The following FARP1 variants were observed in gnomAD, a reference collection of about 807,000 sequenced individuals.
The protein encoded by FARP1 is FERM, ARHGEF and pleckstrin domain-containing protein 1.
A neutral mutation model predicts 128.8 loss-of-function variants in FARP1; 52 were observed. That is an observed-to-expected ratio of 0.40 (90% confidence interval 0.32 to 0.51). FARP1 has a LOEUF of 0.51. Ranked by LOEUF, FARP1 falls within the 20% of genes least tolerant of loss-of-function variation. The pLI, the probability that FARP1 is intolerant of heterozygous loss-of-function variation, is 0.45. For missense variants in FARP1, 1,333 were observed against 1,367.9 expected (o/e 0.97, Z 0.40); for synonymous variants, 580 against 551.8 (o/e 1.05, Z -0.72).
chr13:98,305,467 G>A (rs1261483029), intron 2 of FARP1, among the ~76,000 whole-genome samples: 2 of 152,024 alleles, frequency 1.3e-5, no homozygotes, highest in Non-Finnish European at 2.9e-5. Context: ...CCGAATAGCT[G>A]GGATTACAGG....
chr13:98,260,081 G>A (rs1861193986), intron 2 of FARP1, among the ~76,000 whole-genome samples: 1 of 152,060 alleles, frequency 6.6e-6, no homozygotes, highest in South Asian at 2.1e-4. Flanking sequence ...TAGGTGGGCG[G>A]CCCATTTCAA....
chr13:98,445,848 G>A lies in FARP1; in HGVS notation c.2797-250G>A. On this transcript the variant is annotated intron_variant, in intron 24 of 26. Transcript: ENST00000319562. ...TGTGTTCTAAGGTACTGGTAGTCAG[G>A]ACCTCAACGTGTCTTTTGGGGGGAC... 5.2e-6 allele frequency: 2 copies of A among 386,760 alleles called. 1 individual carries two copies. The highest frequency in any genetic ancestry group is 5.4e-5 in the South Asian group (2 of 37,098). 24.0% of individuals were successfully genotyped at this position (386,760 alleles called of 1,614,324 possible).
chr13:98,206,723 CT>C (rs2139293776), intron 1 of FARP1, among the ~76,000 whole-genome samples: 2 of 152,284 alleles, frequency 1.3e-5, no homozygotes, highest in East Asian at 3.9e-4. Flanking sequence ...TACCTTTTCT[CT>C]GGCGGTTAAA....
chr13:98,414,640 G>A (rs925544031), intron 16 of FARP1, among the ~76,000 whole-genome samples: 2 of 152,162 alleles, frequency 1.3e-5, no homozygotes, highest in African/African-American at 2.4e-5. Context: ...CAATGCATTC[G>A]TAGGTTCTAA....
intron 2 of FARP1, among the ~76,000 whole-genome samples, chr13:98,323,880 AT>A (rs1489985676): frequency 1.3e-5 from 2 of 152,196 alleles, no homozygotes; most frequent in Admixed American, 6.5e-5. Flanking sequence ...AGTGTCAACA[AT>A]TTTTTTAAAG....
rs138218092 is a variant in FARP1, at chr13:98,386,187, CTT to C, written c.759+393_759+394del. Among the ~76,000 whole-genome samples, 769 of 92,988 alleles carry C rather than the reference CTT, an allele frequency of 8.3e-3. 5 individuals carry two copies. The highest frequency in any genetic ancestry group is 0.03 in the African/African-American group (684 of 22,454). 61.0% of individuals were successfully genotyped at this position (92,988 alleles called of 152,430 possible). A position where few individuals can be genotyped will look rare whatever the true frequency, so the allele number is the denominator to read the frequency against. ...GATGATACTTTGCTGTAATGTGATC[CTT>C]TTTTTTTTTTTTTTTTTTTCAAACA... On this transcript the variant is annotated intron_variant, in intron 8 of 26. Transcript: ENST00000319562.
chr13:98,370,916 C>G (rs1418919505), intron 5 of FARP1, among the ~76,000 whole-genome samples: 1 of 152,144 alleles, frequency 6.6e-6, no homozygotes, highest in Non-Finnish European at 1.5e-5. Flanking sequence ...ATAGGAGGGA[C>G]AGCCCGAGCT....
At chr13:98,197,086 C>G (rs1879607284) in intron 1 of FARP1, among the ~76,000 whole-genome samples, 1 of 152,118 alleles carries the variant, frequency 6.6e-6, no homozygotes, top group South Asian at 2.1e-4. Context: ...CTTTTCTTTT[C>G]CCAACTTGAA....
intron 2 of FARP1, among the ~76,000 whole-genome samples, chr13:98,308,462 T>C (rs907611195): frequency 6.6e-6 from 1 of 152,014 alleles, no homozygotes; most frequent in African/African-American, 2.4e-5. Context: ...TGGACGAAGA[T>C]AGAAGATGAG....
At chr13:98,338,687 T>A (rs1347098433) in intron 2 of FARP1, 3 of 152,242 alleles carry the variant, frequency 2.0e-5, no homozygotes. Flanking sequence ...GATCGCTGTA[T>A]CCTAGGATAA....
chr13:98,427,167 C>G (rs1480460904), intron 17 of FARP1, among the ~76,000 whole-genome samples: 14 of 152,116 alleles, frequency 9.2e-5, no homozygotes, highest in African/African-American at 3.1e-4. Context: ...TGGGCTCCAC[C>G]TATTCATCCC....
intron 2 of FARP1, among the ~76,000 whole-genome samples, chr13:98,308,031 CTCTTTTTTTTT>C (rs1886258570): frequency 9.5e-5 from 1 of 10,522 alleles, no homozygotes; most frequent in African/African-American, 1.4e-4. Flanking sequence ...CCCACTCTCT[CTCTTTTTTTTT>C]TTTTTTTTTT....
intron 16 of FARP1, among the ~76,000 whole-genome samples, chr13:98,413,775 T>G (rs944704916): frequency 1.3e-5 from 2 of 152,240 alleles, no homozygotes; most frequent in African/African-American, 4.8e-5. Flanking sequence ...AATGATGCTC[T>G]CATAATGGGG....
chr13:98,299,158 A>G (rs1885819299), intron 2 of FARP1, among the ~76,000 whole-genome samples: 1 of 152,254 alleles, frequency 6.6e-6, no homozygotes, highest in Admixed American at 6.5e-5. Context: ...TGTTCCTATC[A>G]AAAACATTTG....
At chr13:98,314,785 C>G (rs630192) in intron 2 of FARP1, among the ~76,000 whole-genome samples, 1 of 152,154 alleles carries the variant, frequency 6.6e-6, no homozygotes, top group Non-Finnish European at 1.5e-5. Flanking sequence ...TGTGGTCCTG[C>G]GGGACGCATT....
chr13:98,167,150 T>C (rs1877324487), intron 1 of FARP1, among the ~76,000 whole-genome samples: 1 of 152,244 alleles, frequency 6.6e-6, no homozygotes, highest in Non-Finnish European at 1.5e-5. Flanking sequence ...TCCCTGTTCC[T>C]GTCCCTTGGC....
chr13:98,264,485 C>A (rs751700699), intron 2 of FARP1, among the ~76,000 whole-genome samples: 2 of 152,162 alleles, frequency 1.3e-5, no homozygotes, highest in Non-Finnish European at 2.9e-5. Flanking sequence ...GTGCTCAGAC[C>A]GACTGTCGTG....
chr13:98,443,153 T>TA (rs1892597457), intron 24 of FARP1, among the ~76,000 whole-genome samples: 1 of 152,268 alleles, frequency 6.6e-6, no homozygotes, highest in African/African-American at 2.4e-5. Flanking sequence ...CACTTTTTTT[T>TA]AATGGCTGCT....
intron 2 of FARP1, among the ~76,000 whole-genome samples, chr13:98,301,334 T>C (rs1456573579): frequency 6.6e-6 from 1 of 151,404 alleles, no homozygotes; most frequent in Non-Finnish European, 1.5e-5. Context: ...CTGAAAGTTC[T>C]GTAGGTGAAG....
Sources: gnomAD v4.1 joint callset for allele counts (sites outside exome capture counted in the v4.1 genomes callset) on GRCh38, gnomAD v4.1.1 for gene constraint, MANE v1.5 for transcripts, NCBI Gene and HGNC (gene_info 2026-07-23, HGNC 2026-07-21) for gene names.